The following VSIG1 variants were observed in gnomAD, a reference collection of about 807,000 sequenced individuals.
The protein encoded by VSIG1 is V-set and immunoglobulin domain-containing protein 1.
A neutral mutation model predicts 20.1 loss-of-function variants in VSIG1; 11 were observed. The ratio of observed to expected loss-of-function variants is 0.55; its 90% confidence interval spans 0.34 to 0.91. VSIG1 has a LOEUF of 0.91. VSIG1 is among the 40% of genes least tolerant of loss of function. VSIG1 has a pLI of 0.02. For missense variants in VSIG1, 283 were observed against 298.8 expected, an observed-to-expected ratio of 0.95 and a Z score of 0.39; for synonymous variants, 126 against 116.7, an observed-to-expected ratio of 1.08 and a Z score of -0.52.
intron 2 of VSIG1, among the ~76,000 whole-genome samples, chrX:108,060,261 CT>C (rs1311144554): frequency 8.9e-6 from 1 of 111,848 alleles, no homozygotes; most frequent in Non-Finnish European, 1.9e-5. Context: ...GATATATACT[CT>C]TTTGGAATGT....
chrX:108,037,947 T>G, the VSIG1 span, among the ~76,000 whole-genome samples: 10 of 111,684 alleles, frequency 9.0e-5, no homozygotes, highest in Non-Finnish European at 1.9e-4. Context: ...AGTTAAAATT[T>G]AAAATTGTGT....
chrX:108,027,080 G>A, the VSIG1 span, among the ~76,000 whole-genome samples: 1 of 111,578 alleles, frequency 9.0e-6, no homozygotes, highest in African/African-American at 3.3e-5. Context: ...TGGTGGGAAT[G>A]TAAAATGGTG....
intron 2 of VSIG1, among the ~76,000 whole-genome samples, chrX:108,060,636 G>A (rs1011037153): frequency 2.7e-5 from 3 of 111,615 alleles, no homozygotes; most frequent in Non-Finnish European, 5.7e-5. Context: ...GAAATCTCAT[G>A]ATGAATGTCA....
chrX:108,064,833 G>A (rs1045128498), intron 2 of VSIG1: 1 of 620,866 alleles, frequency 1.6e-6, no homozygotes, highest in African/African-American at 2.5e-5. Context: ...AAGTAAATAA[G>A]CCCCATGCTG....
intron 1 of VSIG1, among the ~76,000 whole-genome samples, chrX:108,047,985 T>C (rs1049419025): frequency 2.8e-5 from 2 of 71,877 alleles, no homozygotes; most frequent in African/African-American, 5.8e-5. Context: ...TATATATATA[T>C]ATATATATAT....
chrX:108,064,674 G>A lies in VSIG1; in HGVS notation c.214-2262G>A, dbSNP rs746576218. The A allele has an allele frequency of 4.0e-5, 27 of 668,697 alleles. No homozygotes were observed. In the African/African-American group the frequency reaches 5.3e-4, roughly 13 times the overall value. The allele number at this position is 668,697 out of a possible 1,213,427, so 55.1% of individuals were successfully genotyped here. On this transcript the variant is annotated intron_variant, in intron 2 of 6. Coordinates refer to ENST00000217957, the MANE Select transcript of VSIG1 (RefSeq NM_182607.5). Reference sequence around the variant, plus strand: ...CTCATTGTGATGTCATCAAGCATCAGTATAAAACAGGGCTGATGTTTTACA... The same window carrying A: ...CTCATTGTGATGTCATCAAGCATCAATATAAAACAGGGCTGATGTTTTACA...
At chrX:108,076,037 A>G (rs1237115199) in intron 5 of VSIG1, 40 bp from the exon 6 acceptor site, 6 of 1,201,317 alleles carry the variant, frequency 5.0e-6, no homozygotes, top group Middle Eastern at 4.6e-4. Flanking sequence ...TAAAATGACA[A>G]TATATTCCAC....
At chrX:108,072,260 T>G (rs73251778) in intron 3 of VSIG1, among the ~76,000 whole-genome samples, 5,591 of 109,902 alleles carry the variant, frequency 0.051, 138 homozygotes, top group East Asian at 0.096. Context: ...ATAATTTTTT[T>G]TGTGTGTGTG....
chrX:108,034,634 C>A, the VSIG1 span, among the ~76,000 whole-genome samples: 1 of 112,445 alleles, frequency 8.9e-6, no homozygotes, highest in African/African-American at 3.2e-5. Context: ...ACAAGCATAT[C>A]GAGAGCACTT....
intron 2 of VSIG1, among the ~76,000 whole-genome samples, chrX:108,065,751 G>A (rs1388485734): frequency 8.9e-6 from 1 of 111,983 alleles, no homozygotes; most frequent in Non-Finnish European, 1.9e-5. Flanking sequence ...TAGATTTAAT[G>A]TGCTAGATTT....
At chrX:108,019,390 A>G in the VSIG1 span, among the ~76,000 whole-genome samples, 1 of 112,521 alleles carries the variant, frequency 8.9e-6, no homozygotes, top group Admixed American at 9.3e-5. Context: ...CGTGTTGCAT[A>G]TAAATGCTGG....
chrX:108,061,585 T>C, intron 2 of VSIG1: 1 of 1,009,317 alleles, frequency 9.9e-7, no homozygotes, highest in Non-Finnish European at 1.4e-6. Flanking sequence ...GTTTGGAGAC[T>C]CCAGGGCACT....
Position 108,071,288 on chromosome X carries a change from G to A in VSIG1, c.413-1389G>A, listed in dbSNP as rs141336224. Reference sequence around the variant, plus strand: ...CTAGAGCAAAATGAAGATAAGCAAGGTGAGTTGGAAAGTATAGAAATTTAC... The same window carrying A: ...CTAGAGCAAAATGAAGATAAGCAAGATGAGTTGGAAAGTATAGAAATTTAC... On this transcript the variant is annotated intron_variant, in intron 3 of 6. Transcript: ENST00000217957. 2.0e-3 allele frequency among the ~76,000 whole-genome samples: 225 copies of A among 111,394 alleles called. 1 individual carries two copies. Among genetic ancestry groups the A allele is most frequent in the African/African-American group, 7.1e-3 (216 of 30,620 alleles).
At position 108,067,238 on chromosome X, in the gene VSIG1, A is replaced by G. The variant is rs1247522773; in HGVS notation, c.412+104A>G. ...GCCAATTAAGTCTCTGTAGGTAAAT[A>G]TACTCCCTAATATTTTCATTATCAG... On this transcript the variant is annotated intron_variant, in intron 3 of 6. Transcript: ENST00000217957. 6 of 825,626 alleles carry G rather than the reference A, an allele frequency of 7.3e-6. No homozygotes were observed. The African/African-American group carries it at 1.0e-4, about 14-fold the overall frequency. 68.0% of individuals were successfully genotyped at this position (825,626 alleles called of 1,213,427 possible).
At position 108,079,091 on chromosome X, in the gene VSIG1, T is replaced by C. The variant is rs768768191; in HGVS notation, c.*1710T>C. On this transcript the variant is annotated 3_prime_UTR_variant, in exon 7 of 7. Transcript: ENST00000217957. ...AAGGCTCAATAAATAATACTCATAA[T>C]GTCTCATTTTAGTGACTCCTAAGGC... 3 of 112,537 alleles carry C rather than the reference T, an allele frequency of 2.7e-5. No homozygotes were observed. The South Asian group carries it at 1.1e-3, about 41-fold the overall frequency. 9.3% of individuals were successfully genotyped at this position (112,537 alleles called of 1,213,427 possible). A position where few individuals can be genotyped will look rare whatever the true frequency, so the allele number is the denominator to read the frequency against.
intron 1 of VSIG1, among the ~76,000 whole-genome samples, 182 bp downstream of exon 1, chrX:108,045,361 G>T (rs113254562): frequency 0.045 from 5,027 of 112,042 alleles, 298 homozygotes; most frequent in African/African-American, 0.15. Flanking sequence ...TATATTAGGG[G>T]TGTAAGCCCA....
chrX:108,045,021 C>A, upstream of VSIG1: 1 of 579,808 alleles, frequency 1.7e-6, no homozygotes, highest in Non-Finnish European at 2.5e-6. Flanking sequence ...CTTGGCGATG[C>A]CCAGCAGATA....
At chrX:108,021,387 G>A in the VSIG1 span, among the ~76,000 whole-genome samples, 5 of 111,493 alleles carry the variant, frequency 4.5e-5, no homozygotes, top group Non-Finnish European at 9.4e-5. Context: ...TTTTGAAGTG[G>A]GAAGTCTAAA....
the VSIG1 span, among the ~76,000 whole-genome samples, chrX:108,021,001 A>G: frequency 8.9e-6 from 1 of 112,014 alleles, no homozygotes; most frequent in African/African-American, 3.3e-5. Flanking sequence ...GTGGCTGTCT[A>G]CAGAAATATT....
Sources: gnomAD v4.1 joint callset for allele counts (sites outside exome capture counted in the v4.1 genomes callset) on GRCh38, gnomAD v4.1.1 for gene constraint, MANE v1.5 for transcripts, NCBI Gene and HGNC (gene_info 2026-07-23, HGNC 2026-07-21) for gene names.